The following ADCY8 variants were observed in gnomAD, a reference collection of about 807,000 sequenced individuals.
The protein encoded by ADCY8 is adenylate cyclase type 8.
ADCY8 carries 51 observed loss-of-function variants against 119.7 expected under a neutral mutation model. The ratio of observed to expected loss-of-function variants is 0.43; its 90% CI spans 0.34 to 0.54. The LOEUF (loss-of-function observed/expected upper bound fraction) is 0.54. Among genes scored for constraint, ADCY8 ranks in the 20% least tolerant of loss-of-function variants. The pLI is 0.03. For missense variants in ADCY8, 1,383 were observed against 1,598.8 expected (o/e 0.87, Z 2.30); for synonymous variants, 665 against 651.0 (o/e 1.02, Z -0.33).
intron 11 of ADCY8, among the ~76,000 whole-genome samples, chr8:130,846,605 CCCTT>C (rs1395827636): frequency 2.8e-4 from 37 of 131,412 alleles, no homozygotes; most frequent in African/African-American, 9.6e-4. Context: ...CTTCCTCCCT[CCCTT>C]CCTTCCTTTT....
chr8:130,957,912 C>G (rs1217720448), intron 2 of ADCY8, among the ~76,000 whole-genome samples: 1 of 152,206 alleles, frequency 6.6e-6, no homozygotes, highest in Non-Finnish European at 1.5e-5. Flanking sequence ...GATGCTCAGA[C>G]AGAAGTTTGT....
At position 131,039,899 on chromosome 8, in the gene ADCY8, C is replaced by G. The variant is rs773215227; in HGVS notation, c.435G>C (p.Gly145=). 4 of 1,613,356 alleles carry G rather than the reference C, an allele frequency of 2.5e-6. No individual in the cohort carries two copies. The highest frequency in any genetic ancestry group is 3.4e-6 in the Non-Finnish European group (4 of 1,179,690). The part of the protein sequence containing the change: ...APSNSDFFLN[G]GYSYRGVIFP... ...AAATGACCCCTCGGTAGCTATAGCC[C>G]CCATTAAGAAAGAAATCCGAGTTGC... The change falls in exon 1 of 18, where the codon GGG becomes GGC. Residue 145 remains glycine (G), a synonymous_variant. Coordinates refer to ENST00000286355, the MANE Select transcript of ADCY8 (RefSeq NM_001115.3).
chr8:131,020,371 T>C (rs1036480399), intron 1 of ADCY8, among the ~76,000 whole-genome samples: 1 of 152,088 alleles, frequency 6.6e-6, no homozygotes. Context: ...TGGATGCACT[T>C]GAGGACATTC....
intron 2 of ADCY8, among the ~76,000 whole-genome samples, chr8:130,954,707 C>T (rs979547830): frequency 6.6e-6 from 1 of 152,142 alleles, no homozygotes; most frequent in Non-Finnish European, 1.5e-5. Context: ...AACTGATTAC[C>T]TAGCAACATG....
At chr8:130,849,483 C>T in intron 10 of ADCY8, 119 bp downstream of exon 10, 1 of 1,028,778 alleles carries the variant, frequency 9.7e-7, no homozygotes, top group East Asian at 2.6e-5. Flanking sequence ...TGGGGCTGGA[C>T]CAGGCACATA....
At chr8:131,011,562 T>C (rs1823305531) in intron 1 of ADCY8, among the ~76,000 whole-genome samples, 1 of 152,164 alleles carries the variant, frequency 6.6e-6, no homozygotes, top group Non-Finnish European at 1.5e-5. Flanking sequence ...TTTAACAACA[T>C]TTAAGAGTGT....
chr8:130,990,336 TATAA>T, intron 2 of ADCY8, 53 bp downstream of exon 2: 1 of 1,587,372 alleles, frequency 6.3e-7, no homozygotes, highest in Admixed American at 1.8e-5. Context: ...AGTAGCTCCA[TATAA>T]TTTAGAGACT....
At chr8:130,896,076 C>G (rs778760977) in intron 7 of ADCY8, among the ~76,000 whole-genome samples, 1 of 152,128 alleles carries the variant, frequency 6.6e-6, no homozygotes, top group African/African-American at 2.4e-5. Context: ...TCATTCTTGG[C>G]TTAATTCCTG....
rs142324524 is a variant in ADCY8 at position 130,958,461 on chromosome 8, G to A, written c.1111-6463C>T. ...GTGCTCTGCATTAGCCTCTTCTCAC[G>A]CTGCTAATGAAGACGTATCTGAGAC... On this transcript the variant is annotated intron_variant, in intron 2 of 17. Coordinates refer to ENST00000286355, the MANE Select transcript of ADCY8 (RefSeq NM_001115.3). Among the ~76,000 whole-genome samples, 20 of 152,104 alleles carry A rather than the reference G, an allele frequency of 1.3e-4. 1 individual carries two copies. Among genetic ancestry groups the A allele is most frequent in the African/African-American group, 4.1e-4 (17 of 41,476 alleles).
At chr8:130,943,717 G>A (rs1184038910) in intron 3 of ADCY8, among the ~76,000 whole-genome samples, 1 of 152,096 alleles carries the variant, frequency 6.6e-6, no homozygotes, top group African/African-American at 2.4e-5. Context: ...TGTGTAGAGT[G>A]GGCAATGCAA....
At chr8:130,920,364 G>A (rs1235041995) in intron 5 of ADCY8, among the ~76,000 whole-genome samples, 2 of 152,110 alleles carry the variant, frequency 1.3e-5, no homozygotes, top group South Asian at 2.1e-4. Context: ...CAAAAACACC[G>A]TGATCCAAGG....
intron 16 of ADCY8, among the ~76,000 whole-genome samples, chr8:130,784,432 G>A (rs1467079687): frequency 6.6e-6 from 1 of 152,140 alleles, no homozygotes; most frequent in Non-Finnish European, 1.5e-5. Context: ...TTCCTACCTC[G>A]TAGGTATTGA....
intron 13 of ADCY8, 92 bp downstream of exon 13, chr8:130,821,248 TAA>T: frequency 9.5e-7 from 1 of 1,050,090 alleles, no homozygotes; most frequent in Non-Finnish European, 1.4e-6. Flanking sequence ...CACAGGCAGC[TAA>T]AAGTTATTTG....
intron 11 of ADCY8, among the ~76,000 whole-genome samples, chr8:130,836,665 A>C (rs1389140113): frequency 6.6e-6 from 1 of 152,064 alleles, no homozygotes; most frequent in Non-Finnish European, 1.5e-5. Flanking sequence ...GCATTTCCCA[A>C]GCCAATAACT....
chr8:130,842,633 G>A (rs1173313876), intron 11 of ADCY8, among the ~76,000 whole-genome samples: 2 of 151,936 alleles, frequency 1.3e-5, no homozygotes, highest in Non-Finnish European at 2.9e-5. Flanking sequence ...AACACTTTGG[G>A]AGGCCCAGGC....
At chr8:130,997,373 A>AG (rs1318758074) in intron 1 of ADCY8, among the ~76,000 whole-genome samples, 2 of 152,104 alleles carry the variant, frequency 1.3e-5, no homozygotes, top group African/African-American at 4.8e-5. Context: ...AGTTGTGGAG[A>AG]TCTAACAAGG....
intron 7 of ADCY8, among the ~76,000 whole-genome samples, chr8:130,900,934 T>A (rs1197192472): frequency 6.6e-6 from 1 of 152,204 alleles, no homozygotes; most frequent in African/African-American, 2.4e-5. Flanking sequence ...CAAAGAGAAT[T>A]CCTAGTCTTC....
At chr8:131,012,751 C>A (rs1456463217) in intron 1 of ADCY8, among the ~76,000 whole-genome samples, 1 of 152,210 alleles carries the variant, frequency 6.6e-6, no homozygotes, top group Non-Finnish European at 1.5e-5. Flanking sequence ...GAACTCAGAA[C>A]ATCCTGGGAA....
chr8:131,017,896 C>A (rs1005334186), intron 1 of ADCY8, among the ~76,000 whole-genome samples: 1 of 151,942 alleles, frequency 6.6e-6, no homozygotes, highest in Admixed American at 6.5e-5. Context: ...AGTTAAGAAA[C>A]CTTTCGGACC....
Sources: allele counts gnomAD v4.1 joint callset (sites outside exome capture counted in the v4.1 genomes callset), GRCh38; gene constraint gnomAD v4.1.1; transcripts MANE v1.5; gene names NCBI Gene and HGNC (gene_info 2026-07-23, HGNC 2026-07-21).